The following HIVEP1 variants were observed in gnomAD, a reference collection of about 807,000 sequenced individuals.
HIVEP1 encodes the protein zinc finger protein 40.
A neutral mutation model predicts 180.0 loss-of-function variants in HIVEP1; 36 were observed. The observed-to-expected ratio is 0.20, with a 90% CI of 0.15 to 0.26. HIVEP1 has a LOEUF of 0.26. HIVEP1 is among the 10% of genes least tolerant of loss of function. HIVEP1 has a pLI of 1.00. For missense variants in HIVEP1, 3,143 were observed against 3,268.7 expected, an observed-to-expected ratio of 0.96 and a Z score of 0.94; for synonymous variants, 1,239 against 1,239.0, an observed-to-expected ratio of 1.00 and a Z score of 0.00.
chr6:12,078,623 A>G (rs1381595805), intron 2 of HIVEP1, among the ~76,000 whole-genome samples: 2 of 109,242 alleles, frequency 1.8e-5, no homozygotes, highest in Admixed American at 2.0e-4. Flanking sequence ...AAAAAAATAC[A>G]TACATATATA....
chr6:12,090,250 G>C (rs969203006), intron 3 of HIVEP1, among the ~76,000 whole-genome samples: 1 of 152,052 alleles, frequency 6.6e-6, no homozygotes, highest in Admixed American at 6.6e-5. Context: ...TGTATTCCGT[G>C]ATTTATTATT....
intron 2 of HIVEP1, among the ~76,000 whole-genome samples, chr6:12,040,540 A>G (rs1326384549): frequency 6.6e-6 from 1 of 152,202 alleles, no homozygotes; most frequent in African/African-American, 2.4e-5. Flanking sequence ...AAAAACAGTA[A>G]TATATTCAAT....
chr6:12,183,983 A>AGATAGATAGAT, the HIVEP1 span, among the ~76,000 whole-genome samples: 73 of 118,272 alleles, frequency 6.2e-4, no homozygotes, highest in African/African-American at 2.9e-3. Context: ...AAAGATAGAT[A>AGATAGATAGAT]GATAGATAGA....
At chr6:12,159,227 C>A (rs1005811251) in intron 7 of HIVEP1, among the ~76,000 whole-genome samples, 1 of 151,976 alleles carries the variant, frequency 6.6e-6, no homozygotes, top group African/African-American at 2.4e-5. Context: ...CGTGCACGTG[C>A]ACGCTTGTGT....
intron 2 of HIVEP1, among the ~76,000 whole-genome samples, chr6:12,069,962 GACAC>G (rs146472999): frequency 4.6e-5 from 7 of 151,160 alleles, no homozygotes; most frequent in Non-Finnish European, 4.4e-5. Context: ...TAAGAACTAA[GACAC>G]ACACACACAC....
chr6:12,163,010 A>T (rs1049003817), intron 8 of HIVEP1, among the ~76,000 whole-genome samples: 2 of 152,208 alleles, frequency 1.3e-5, no homozygotes, highest in African/African-American at 4.8e-5. Flanking sequence ...CAATATGACA[A>T]AATCCAGGAA....
intron 6 of HIVEP1, among the ~76,000 whole-genome samples, chr6:12,135,421 A>G (rs914462397): frequency 7.2e-5 from 11 of 152,270 alleles, no homozygotes; most frequent in Non-Finnish European, 1.3e-4. Context: ...AGAAAGAGCC[A>G]GCAGTCATAA....
chr6:12,071,520 C>T (rs193280585), intron 2 of HIVEP1, among the ~76,000 whole-genome samples: 2 of 152,340 alleles, frequency 1.3e-5, no homozygotes, highest in Admixed American at 1.3e-4. Flanking sequence ...TGTCAACCCT[C>T]ACAGTTTGCC....
At chr6:12,160,984 C>G (rs1269508458) in intron 7 of HIVEP1, among the ~76,000 whole-genome samples, 1 of 152,096 alleles carries the variant, frequency 6.6e-6, no homozygotes, top group Non-Finnish European at 1.5e-5. Context: ...TCACAGATAC[C>G]AACAGCCATC....
chr6:12,009,182 CG>C (rs1767155255), upstream of HIVEP1, among the ~76,000 whole-genome samples: 1 of 146,086 alleles, frequency 6.8e-6, no homozygotes. Context: ...GCCGGGGCCG[CG>C]GGGCCGCGCC....
intron 3 of HIVEP1, among the ~76,000 whole-genome samples, chr6:12,117,923 C>T (rs538463520): frequency 6.6e-6 from 1 of 152,280 alleles, no homozygotes; most frequent in South Asian, 2.1e-4. Context: ...TTTCACTTTG[C>T]CTACTTGCCT....
chr6:12,161,614 C>T lies in HIVEP1; in HGVS notation c.6663C>T (p.Ser2221=). Reference sequence around the variant, plus strand: ...CGCAGCACCTTCCATCTAGAAGTAGCCTTCAGGACCCTGTGAGTACTGACG... The same window carrying T: ...CGCAGCACCTTCCATCTAGAAGTAGTCTTCAGGACCCTGTGAGTACTGACG... ...ASPQHLPSRS[S]LQDPVSTDED... The change falls in exon 8 of 9, where the codon AGC becomes AGT. Residue 2221 remains serine (S), a synonymous_variant. Transcript: ENST00000379388. The T allele has an allele frequency of 1.9e-6, 3 of 1,614,088 alleles. No individual in the cohort carries two copies. Among genetic ancestry groups the T allele is most frequent in the African/African-American group, 1.3e-5 (1 of 75,032 alleles).
chr6:12,207,320 G>A, the HIVEP1 span, among the ~76,000 whole-genome samples: 2 of 152,252 alleles, frequency 1.3e-5, no homozygotes, highest in Non-Finnish European at 1.5e-5. Context: ...GACCTTGTCA[G>A]GAACCATCTT....
intron 7 of HIVEP1, among the ~76,000 whole-genome samples, chr6:12,151,735 T>C (rs1235655783): frequency 6.6e-6 from 1 of 152,174 alleles, no homozygotes. Context: ...TTCTCTGTCA[T>C]GAATACTAAA....
At chr6:12,024,499 A>G (rs922458770) in intron 2 of HIVEP1, among the ~76,000 whole-genome samples, 1 of 152,122 alleles carries the variant, frequency 6.6e-6, no homozygotes, top group Non-Finnish European at 1.5e-5. Flanking sequence ...TATGGTCCTT[A>G]TGTGTTTCTG....
the HIVEP1 span, among the ~76,000 whole-genome samples, chr6:12,191,278 G>A: frequency 7.2e-5 from 11 of 152,246 alleles, no homozygotes; most frequent in Non-Finnish European, 1.0e-4. Context: ...AACATTGTCC[G>A]TTGTCAACCA....
intron 3 of HIVEP1, 90 bp downstream of exon 3, chr6:12,089,327 G>A (rs1157732179): frequency 2.9e-6 from 2 of 687,062 alleles, no homozygotes; most frequent in Non-Finnish European, 5.0e-6. Flanking sequence ...AAATAAATCA[G>A]TATAGACATA....
intron 6 of HIVEP1, among the ~76,000 whole-genome samples, chr6:12,131,798 AAAAAAAATT>A (rs1758434476): frequency 6.7e-6 from 1 of 149,904 alleles, no homozygotes. Context: ...AAAAAAAAAA[AAAAAAAATT>A]AATTGATTTT....
At position 12,074,997 on chromosome 6, in the gene HIVEP1, CAAA is replaced by C. The variant is rs1222124225; in HGVS notation, c.41-14186_41-14184del. On this transcript the variant is annotated intron_variant, in intron 2 of 8. Transcript: ENST00000379388. ...TAGATATCGTTTAAATTTCAAAAAC[CAAA>C]GTTAAATCTCACAAGTTAATTAGTT... Among the ~76,000 whole-genome samples the C allele has an allele frequency of 7.9e-5, 12 of 152,126 alleles. No homozygotes were observed. The South Asian group carries it at 2.3e-3, about 29-fold the overall frequency.
Sources: allele counts gnomAD v4.1 joint callset (sites outside exome capture counted in the v4.1 genomes callset), GRCh38; gene constraint gnomAD v4.1.1; transcripts MANE v1.5; gene names NCBI Gene and HGNC (gene_info 2026-07-23, HGNC 2026-07-21).